The following DOCK1 variants were observed in gnomAD, a reference collection of about 807,000 sequenced individuals.
The protein encoded by DOCK1 is dedicator of cytokinesis protein 1.
A neutral mutation model predicts 262.7 loss-of-function variants in DOCK1; 138 were observed. The observed-to-expected ratio is 0.53, with a 90% CI of 0.46 to 0.61. The LOEUF (loss-of-function observed/expected upper bound fraction) is 0.61, where lower values mean the gene tolerates loss of function less well. Ranked by LOEUF, DOCK1 falls within the 20% of genes least tolerant of loss-of-function variation. The pLI is 0.00. For synonymous variants in DOCK1, 866 were observed against 867.4 expected, an observed-to-expected ratio of 1.00 and a Z score of 0.03; for missense variants, 1,908 against 2,370.7, an observed-to-expected ratio of 0.80 and a Z score of 4.05.
rs115826541 is a variant in DOCK1 at position 127,370,682 on chromosome 10, G to A, written c.3433-3099G>A. On this transcript the variant is annotated intron_variant, in intron 33 of 51. Transcript: ENST00000623213. The stretch of plus-strand genomic sequence containing the variant: ...TGTGGCAGTGAGTGGTAAAAGCAGT[G>A]TTTCCTTTTTAAGTTAATTGAATTA... Among the ~76,000 whole-genome samples the A allele has an allele frequency of 2.0e-3, 298 of 152,302 alleles. 2 individuals carry two copies. Among genetic ancestry groups the A allele is most frequent in the African/African-American group, 7.0e-3 (291 of 41,558 alleles).
intron 4 of DOCK1, 76 bp downstream of exon 4, chr10:126,982,049 G>A (rs988014569): frequency 1.5e-5 from 22 of 1,496,182 alleles, no homozygotes; most frequent in African/African-American, 4.2e-5. Context: ...GTACGATGGC[G>A]TAATATGAGA....
chr10:127,208,821 G>A (rs1420347602), intron 27 of DOCK1, among the ~76,000 whole-genome samples: 3 of 152,138 alleles, frequency 2.0e-5, no homozygotes, highest in Non-Finnish European at 4.4e-5. Context: ...ATAACGTTGA[G>A]ATATTCTCTA....
At chr10:127,432,449 G>A (rs77031218) in intron 47 of DOCK1, among the ~76,000 whole-genome samples, 263 of 152,056 alleles carry the variant, frequency 1.7e-3, no homozygotes, top group African/African-American at 5.4e-3. Context: ...GGAAGTCAAC[G>A]CCACACAGAG....
chr10:126,941,557 C>T (rs958408758), intron 1 of DOCK1, among the ~76,000 whole-genome samples: 8 of 152,140 alleles, frequency 5.3e-5, no homozygotes, highest in East Asian at 1.9e-4. Context: ...GAGATCGAGA[C>T]CATCCTGGCT....
intron 9 of DOCK1, 75 bp downstream of exon 9, chr10:126,999,510 T>C: frequency 8.0e-7 from 1 of 1,252,600 alleles, no homozygotes; most frequent in Middle Eastern, 1.9e-4. Context: ...CTGTCTGCCT[T>C]CCTGCGACAC....
intron 27 of DOCK1, among the ~76,000 whole-genome samples, chr10:127,243,308 C>T (rs2059326124): frequency 6.6e-6 from 1 of 152,210 alleles, no homozygotes; most frequent in African/African-American, 2.4e-5. Flanking sequence ...TTTCCATTCA[C>T]CAGTCTGTGC....
intron 23 of DOCK1, among the ~76,000 whole-genome samples, chr10:127,072,216 A>G (rs757387863): frequency 6.6e-6 from 1 of 152,150 alleles, no homozygotes; most frequent in Non-Finnish European, 1.5e-5. Context: ...TTAGTACCTC[A>G]TTGTTGAGTT....
rs1164223770 is a variant in DOCK1 at position 127,426,026 on chromosome 10, T to C, written c.4914+15T>C. ...TCCGAATCATGGTAAGAGGGTAGTA[T>C]GCGTAGTGTTGCAGAAGAGTGGGTG... On this transcript the variant is annotated intron_variant, in intron 47 of 51. Transcript: ENST00000623213. 4 of 1,613,412 alleles carry C rather than the reference T, an allele frequency of 2.5e-6. No homozygotes were observed. Among genetic ancestry groups the C allele is most frequent in the South Asian group, 2.2e-5 (2 of 91,044 alleles).
chr10:127,171,145 C>T (rs536431525), intron 27 of DOCK1, among the ~76,000 whole-genome samples: 1 of 152,290 alleles, frequency 6.6e-6, no homozygotes, highest in South Asian at 2.1e-4. Flanking sequence ...GTTAACCTGT[C>T]TCAGCCATAA....
At position 127,381,341 on chromosome 10, in the gene DOCK1, C is replaced by T. The variant is rs946940924; in HGVS notation, c.3780C>T (p.Thr1260=). The change falls in exon 37 of 52, where the codon ACC becomes ACT. Residue 1260 remains threonine, a synonymous_variant. Coordinates refer to ENST00000623213, the MANE Select transcript of DOCK1 (RefSeq NM_001290223.2). The part of the protein sequence containing the change: ...ECDNYTEAAY[T]LLLHAKLLKW... ...ATAACTACACCGAAGCGGCTTACAC[C>T]TTGCTTCTCCATGCAAAGCTTCTTA... 1 of 1,612,358 alleles carries T rather than the reference C, an allele frequency of 6.2e-7. No individual in the cohort carries two copies. Among genetic ancestry groups the T allele is most frequent in the Non-Finnish European group, 8.5e-7 (1 of 1,178,844 alleles).
chr10:127,093,599 C>T (rs1471221112), intron 23 of DOCK1, among the ~76,000 whole-genome samples: 2 of 152,026 alleles, frequency 1.3e-5, no homozygotes, highest in African/African-American at 2.4e-5. Flanking sequence ...AGCGATCCTC[C>T]TGCCTCAGCC....
intron 13 of DOCK1, among the ~76,000 whole-genome samples, chr10:127,019,905 A>G (rs979092466): frequency 6.6e-6 from 1 of 152,194 alleles, no homozygotes; most frequent in African/African-American, 2.4e-5. Context: ...GCCTCCTTTT[A>G]TAGGCCTGTG....
chr10:127,153,762 C>T (rs887806854), intron 27 of DOCK1: 2 of 1,010,806 alleles, frequency 2.0e-6, no homozygotes, highest in South Asian at 1.4e-5. Context: ...AGAATCATCC[C>T]AGCATGGCCC....
chr10:127,315,677 C>T (rs1287535254), intron 29 of DOCK1, among the ~76,000 whole-genome samples: 3 of 152,212 alleles, frequency 2.0e-5, no homozygotes, highest in Admixed American at 2.0e-4. Context: ...CCTGAAGTCA[C>T]ATCAGTTGCA....
intron 46 of DOCK1, among the ~76,000 whole-genome samples, chr10:127,420,587 G>C (rs991589904): frequency 6.6e-6 from 1 of 152,132 alleles, no homozygotes; most frequent in Non-Finnish European, 1.5e-5. Flanking sequence ...AGGTGTCGTA[G>C]CCCAGGCCAC....
intron 23 of DOCK1, among the ~76,000 whole-genome samples, chr10:127,086,870 T>C (rs933976417): frequency 6.6e-6 from 1 of 152,212 alleles, no homozygotes; most frequent in East Asian, 1.9e-4. Flanking sequence ...GCATGCATAA[T>C]TAAATTAATA....
At chr10:126,951,425 GTGGTAGTATTGTTGGTAGTGT>G (rs2036227668) in intron 1 of DOCK1, among the ~76,000 whole-genome samples, 4 of 151,510 alleles carry the variant, frequency 2.6e-5, no homozygotes, top group Non-Finnish European at 5.9e-5. Context: ...GATAGTGGTG[GTGGTAGTATTGTTGGTAGTGT>G]TGGTAGTATT....
At chr10:127,315,477 C>T (rs973375170) in intron 29 of DOCK1, among the ~76,000 whole-genome samples, 3 of 152,184 alleles carry the variant, frequency 2.0e-5, no homozygotes, top group Non-Finnish European at 4.4e-5. Context: ...AGATGACCCT[C>T]TACCAGCCAA....
chr10:127,194,086 T>C (rs1387126869), intron 27 of DOCK1, among the ~76,000 whole-genome samples: 1 of 152,252 alleles, frequency 6.6e-6, no homozygotes, highest in Non-Finnish European at 1.5e-5. Flanking sequence ...ACATCTTGTC[T>C]TTAAGGAAAA....
Sources: gnomAD v4.1 joint callset for allele counts (sites outside exome capture counted in the v4.1 genomes callset) on GRCh38, gnomAD v4.1.1 for gene constraint, MANE v1.5 for transcripts, NCBI Gene and HGNC (gene_info 2026-07-23, HGNC 2026-07-21) for gene names.